Variants in PCDHA1 observed in about 807,000 individuals in gnomAD.
PCDHA1 encodes protocadherin alpha-1.
Under a neutral mutation model 61.3 loss-of-function variants are expected in PCDHA1, and 42 were observed. That is an observed-to-expected ratio of 0.69 (90% confidence interval 0.54 to 0.89). The LOEUF (loss-of-function observed/expected upper bound fraction) is 0.89, where lower values mean the gene tolerates loss of function less well. PCDHA1 is among the 40% of genes least tolerant of loss of function. The pLI is 0.00. For missense variants in PCDHA1, 1,256 were observed against 1,235.3 expected (o/e 1.02, Z -0.25); for synonymous variants, 610 against 553.8 (o/e 1.10, Z -1.43).
At chr5:140,904,435 A>G (rs542932460) in intron 1 of PCDHA1, among the ~76,000 whole-genome samples, 4 of 151,230 alleles carry the variant, frequency 2.6e-5, no homozygotes, top group African/African-American at 9.7e-5. Flanking sequence ...ATATATATGT[A>G]TATTACAATT....
At chr5:140,969,037 C>A (rs1554231375) in intron 1 of PCDHA1, 6 of 1,614,158 alleles carry the variant, frequency 3.7e-6, no homozygotes, top group Non-Finnish European at 5.1e-6. Flanking sequence ...CAGAACTGTA[C>A]AAACAAGCCA....
intron 3 of PCDHA1, among the ~76,000 whole-genome samples, chr5:141,007,451 C>A (rs2098330384): frequency 6.6e-6 from 1 of 151,640 alleles, no homozygotes; most frequent in Non-Finnish European, 1.5e-5. Context: ...GCCTGTAGTC[C>A]CAGCTACTCA....
intron 2 of PCDHA1, 58 bp from the exon 3 acceptor site, chr5:140,982,417 G>T: frequency 1.2e-6 from 2 of 1,610,546 alleles, no homozygotes; most frequent in Non-Finnish European, 1.7e-6. Flanking sequence ...GAGGGTGGAA[G>T]AAGAGATGGG....
At chr5:140,830,524 T>G in intron 1 of PCDHA1, 1 of 1,314,736 alleles carries the variant, frequency 7.6e-7, no homozygotes. Context: ...ATTTTTATTT[T>G]AAATTTATAA....
At chr5:140,967,219 C>A (rs782211026) in intron 1 of PCDHA1, 2 of 1,613,772 alleles carry the variant, frequency 1.2e-6, no homozygotes, top group East Asian at 2.2e-5. Context: ...TCCCGCGGCC[C>A]AACTACCAGC....
intron 3 of PCDHA1, among the ~76,000 whole-genome samples, chr5:141,006,150 G>A (rs1035867146): frequency 1.1e-4 from 16 of 151,274 alleles, no homozygotes; most frequent in Admixed American, 6.6e-5. Flanking sequence ...AAGCAGAGGA[G>A]TGATATAATC....
intron 1 of PCDHA1, chr5:140,868,434 C>A (rs1581841717): frequency 6.6e-6 from 1 of 152,092 alleles, no homozygotes; most frequent in East Asian, 1.9e-4. Context: ...GAGAATAGAT[C>A]ATGTGGAACA....
chr5:140,843,088 C>G lies in PCDHA1; in HGVS notation c.2394+54404C>G, dbSNP rs1554139726. On this transcript the variant is annotated intron_variant, in intron 1 of 3. Coordinates refer to ENST00000504120, the MANE Select transcript of PCDHA1 (RefSeq NM_018900.4). Reference sequence around the variant, plus strand: ...TGCCGCGGTCTGTGGGCGCGGGCCACGTGGTAGCGAAGGTGCGCGCAGTGG... The same window carrying G: ...TGCCGCGGTCTGTGGGCGCGGGCCAGGTGGTAGCGAAGGTGCGCGCAGTGG... The G allele has an allele frequency of 7.5e-6, 12 of 1,595,530 alleles. 2 individuals carry two copies. Among genetic ancestry groups the G allele is most frequent in the African/African-American group, 6.7e-5 (5 of 74,528 alleles).
At chr5:140,966,405 A>G (rs562045428) in intron 1 of PCDHA1, 6 of 404,248 alleles carry the variant, frequency 1.5e-5, no homozygotes, top group African/African-American at 1.2e-4. Context: ...TCGGCGCGGA[A>G]TCAGAGCAGG....
chr5:140,790,860 G>A (rs543093847), intron 1 of PCDHA1, among the ~76,000 whole-genome samples: 17 of 152,324 alleles, frequency 1.1e-4, no homozygotes, highest in East Asian at 3.9e-4. Flanking sequence ...ATAAATGGGC[G>A]TAGGAGTACA....
At chr5:140,897,712 G>A (rs1180745180) in intron 1 of PCDHA1, among the ~76,000 whole-genome samples, 3 of 152,162 alleles carry the variant, frequency 2.0e-5, no homozygotes, top group African/African-American at 7.2e-5. Context: ...CCAGTAATGG[G>A]ATGGCTGGGT....
chr5:140,797,439 GTTC>G (rs1313299165), intron 1 of PCDHA1: 2 of 1,380,916 alleles, frequency 1.4e-6, no homozygotes, highest in African/African-American at 2.9e-5. Context: ...TAGATTCATA[GTTC>G]TTCATTTATT....
chr5:140,990,984 A>G (rs1213067851), intron 3 of PCDHA1, among the ~76,000 whole-genome samples: 4 of 152,200 alleles, frequency 2.6e-5, no homozygotes, highest in Admixed American at 6.5e-5. Context: ...AAGGAAGACA[A>G]TAGCTACCAT....
chr5:140,918,496 A>G lies in PCDHA1; in HGVS notation c.2395-60453A>G, dbSNP rs79827125. Among the ~76,000 whole-genome samples the G allele has an allele frequency of 8.0e-3, 1,215 of 152,276 alleles. 6 individuals are homozygous for G. Among genetic ancestry groups the G allele is most frequent in the African/African-American group, 0.019 (784 of 41,558 alleles). On this transcript the variant is annotated intron_variant, in intron 1 of 3. Transcript: ENST00000504120. ...TCTCAAGGGGAATGCTTTGGATGGT[A>G]CCAATCCTTTTAAACTTATTGAGGA...
At chr5:140,886,830 A>G (rs2061165550) in intron 1 of PCDHA1, among the ~76,000 whole-genome samples, 1 of 150,424 alleles carries the variant, frequency 6.6e-6, no homozygotes, top group Non-Finnish European at 1.5e-5. Flanking sequence ...TCGTCTTGAA[A>G]AAAAAAAAAA....
rs191251073 is a variant in PCDHA1, at chr5:140,928,748, G to C, written c.2395-50201G>C. ...ATTTCAGCCAATATAGGTGAGCTCCGTACTGCTCGCTTAGTTCTTCCCACT... is the reference window on the plus strand; with the variant it reads ...ATTTCAGCCAATATAGGTGAGCTCCCTACTGCTCGCTTAGTTCTTCCCACT... On this transcript the variant is annotated intron_variant, in intron 1 of 3. Coordinates refer to ENST00000504120, the MANE Select transcript of PCDHA1 (RefSeq NM_018900.4). The C allele has an allele frequency of 1.9e-6, 3 of 1,614,114 alleles. No individual in the cohort carries two copies. In the Admixed American group the frequency reaches 5.0e-5, roughly 27 times the overall value.
At chr5:140,856,746 A>G (rs996216348) in intron 1 of PCDHA1, 1 of 1,596,552 alleles carries the variant, frequency 6.3e-7, no homozygotes, top group Non-Finnish European at 8.6e-7. Context: ...CTGGTGTTAG[A>G]TGCCAATGAT....
rs782306992 is a variant in PCDHA1 at position 140,786,246 on chromosome 5, T to A, written c.-45T>A. 1 of 1,525,736 alleles carries A rather than the reference T, an allele frequency of 6.6e-7. No individual in the cohort carries two copies. The highest frequency in any genetic ancestry group is 1.3e-5 in the South Asian group (1 of 76,360). The allele number at this position is 1,525,736 out of a possible 1,614,324, so 94.5% of individuals were successfully genotyped here. On this transcript the variant is annotated 5_prime_UTR_variant, in exon 1 of 4. Transcript: ENST00000504120. ...GGAAATATTAGATAAAATGGCATGA[T>A]TTTGAAGTAAGAGGAGAGCATAAGA...
At chr5:140,813,435 T>C (rs1404458461) in intron 1 of PCDHA1, 6 of 152,198 alleles carry the variant, frequency 3.9e-5, no homozygotes, top group African/African-American at 1.4e-4. Flanking sequence ...CTGAATACTA[T>C]AGGGAATTGT....
Sources: allele counts gnomAD v4.1 joint callset (sites outside exome capture counted in the v4.1 genomes callset), GRCh38; gene constraint gnomAD v4.1.1; transcripts MANE v1.5; gene names NCBI Gene and HGNC (gene_info 2026-07-23, HGNC 2026-07-21).